Variants in DGKB observed in about 807,000 individuals in gnomAD.
DGKB encodes the protein diacylglycerol kinase beta, also known as 90 kDa diacylglycerol kinase.
In DGKB, 67 loss-of-function variants were observed where a neutral mutation model predicts 114.3. The observed-to-expected ratio is 0.59, with a 90% CI of 0.48 to 0.72. DGKB has a LOEUF of 0.72. Among genes scored for constraint, DGKB ranks in the 30% least tolerant of loss-of-function variants. The pLI is 0.00. For synonymous variants in DGKB, 398 were observed against 323.1 expected, an observed-to-expected ratio of 1.23 and a Z score of -2.49; for missense variants, 907 against 975.2, an observed-to-expected ratio of 0.93 and a Z score of 0.93.
intron 24 of DGKB, 137 bp from the exon 25 acceptor site, chr7:14,177,036 G>T: frequency 1.1e-6 from 1 of 870,904 alleles, no homozygotes; most frequent in Non-Finnish European, 1.7e-6. Context: ...AATGAAAGGA[G>T]CTTCAACTCT....
At chr7:14,774,372 A>G (rs1313199890) in intron 2 of DGKB, among the ~76,000 whole-genome samples, 2 of 152,236 alleles carry the variant, frequency 1.3e-5, no homozygotes, top group African/African-American at 4.8e-5. Context: ...TTCTAACTTG[A>G]TTGGATATTT....
chr7:14,521,943 T>C (rs1451040271), intron 20 of DGKB, among the ~76,000 whole-genome samples: 1 of 152,184 alleles, frequency 6.6e-6, no homozygotes, highest in Non-Finnish European at 1.5e-5. Flanking sequence ...TAATTTTGCC[T>C]GGACTAAATC....
In DGKB at chr7:14,297,743, T is replaced by G. The variant is rs1802829019; in HGVS notation, c.2122+40772A>C. Among the ~76,000 whole-genome samples the G allele has an allele frequency of 2.0e-5, 3 of 152,236 alleles. No individual in the cohort carries two copies. The South Asian group carries it at 6.2e-4, about 32-fold the overall frequency. ...GAGGAAGAAATAAAGGGTATTCAGA[T>G]AGGAAGAGAGGAAATCAAATTGTCT... On this transcript the variant is annotated intron_variant, in intron 23 of 25. Transcript: ENST00000402815.
At chr7:14,435,931 C>T (rs189848389) in intron 21 of DGKB, among the ~76,000 whole-genome samples, 157 of 152,008 alleles carry the variant, frequency 1.0e-3, no homozygotes, top group African/African-American at 3.5e-3. Flanking sequence ...GTCTATGGCA[C>T]GTAGATATTC....
intron 21 of DGKB, among the ~76,000 whole-genome samples, chr7:14,374,181 C>T (rs1818125912): frequency 6.6e-6 from 1 of 152,130 alleles, no homozygotes. Flanking sequence ...TTTACTTGCT[C>T]ATATGTGACT....
intron 20 of DGKB, among the ~76,000 whole-genome samples, chr7:14,532,052 T>C (rs1247877981): frequency 6.6e-6 from 1 of 151,384 alleles, no homozygotes; most frequent in Non-Finnish European, 1.5e-5. Context: ...AAATGGATCA[T>C]GTTCTCAGAA....
chr7:14,525,611 G>T (rs1790514161), intron 20 of DGKB, among the ~76,000 whole-genome samples: 1 of 151,990 alleles, frequency 6.6e-6, no homozygotes. Context: ...TTAAATTAGA[G>T]ACATAACACT....
intron 20 of DGKB, among the ~76,000 whole-genome samples, chr7:14,573,277 A>T (rs1485511649): frequency 6.6e-6 from 1 of 152,138 alleles, no homozygotes; most frequent in Non-Finnish European, 1.5e-5. Flanking sequence ...ACTCTATGAG[A>T]TTCTTTAAAT....
chr7:14,850,512 G>C (rs1444035439), intron 1 of DGKB, among the ~76,000 whole-genome samples: 1 of 152,118 alleles, frequency 6.6e-6, no homozygotes, highest in Non-Finnish European at 1.5e-5. Context: ...TTAATCTTAA[G>C]GATGGATACA....
At chr7:14,304,081 ACACACACT>A (rs1308376850) in intron 23 of DGKB, among the ~76,000 whole-genome samples, 8 of 88,698 alleles carry the variant, frequency 9.0e-5, no homozygotes, top group African/African-American at 4.3e-4. Context: ...ACACACACAC[ACACACACT>A]CTCTCTCTCT....
chr7:14,398,774 C>T lies in DGKB; in HGVS notation c.1836-53383G>A, dbSNP rs908730698. 3.6e-5 allele frequency among the ~76,000 whole-genome samples: 5 copies of T among 138,558 alleles called. No individual in the cohort carries two copies. In the East Asian group the frequency reaches 1.0e-3, roughly 29 times the overall value. The allele number at this position is 138,558 out of a possible 152,430, so 90.9% of individuals were successfully genotyped here. A position where few individuals can be genotyped will look rare whatever the true frequency, so the allele number is the denominator to read the frequency against. ...TATGAAGTAATATGAGCTCAGGATG[C>T]TAACACATGGTCTATGACTAAAAAA... On this transcript the variant is annotated intron_variant, in intron 21 of 25. Coordinates refer to ENST00000402815, the MANE Select transcript of DGKB (RefSeq NM_001350709.2).
intron 2 of DGKB, among the ~76,000 whole-genome samples, chr7:14,827,532 T>G (rs1375946041): frequency 6.6e-6 from 1 of 152,146 alleles, no homozygotes; most frequent in South Asian, 2.1e-4. Context: ...TTGAAAATGC[T>G]GTTTCTACTC....
At chr7:14,837,507 A>C (rs1373751127) in intron 2 of DGKB, among the ~76,000 whole-genome samples, 1 of 152,218 alleles carries the variant, frequency 6.6e-6, no homozygotes, top group East Asian at 1.9e-4. Flanking sequence ...ATATATACCA[A>C]ATATAATCTT....
chr7:14,829,258 C>T (rs144089308), intron 2 of DGKB, among the ~76,000 whole-genome samples: 1 of 152,222 alleles, frequency 6.6e-6, no homozygotes, highest in South Asian at 2.1e-4. Context: ...TTATTCATTA[C>T]CACTTATGGA....
At chr7:14,660,956 G>T (rs1816937705) in intron 13 of DGKB, among the ~76,000 whole-genome samples, 1 of 150,426 alleles carries the variant, frequency 6.6e-6, no homozygotes, top group Non-Finnish European at 1.5e-5. Context: ...AATGGGGAAA[G>T]GATTCCCTAT....
Position 14,861,425 on chromosome 7 carries a change from T to C in DGKB, c.-187-19975A>G, listed in dbSNP as rs185362660. Reference sequence around the variant, plus strand: ...AATAAGCTTTCAAATATAGTAAACATAGCTGATCTTTTTTTCATTATTTAA... The same window carrying C: ...AATAAGCTTTCAAATATAGTAAACACAGCTGATCTTTTTTTCATTATTTAA... On this transcript the variant is annotated intron_variant, in intron 1 of 25. Transcript: ENST00000402815. Among the ~76,000 whole-genome samples, 11 of 152,076 alleles carry C rather than the reference T, an allele frequency of 7.2e-5. No homozygotes were observed. In the East Asian group the frequency reaches 2.1e-3, roughly 29 times the overall value.
chr7:14,843,302 T>C (rs1393451998), intron 1 of DGKB, among the ~76,000 whole-genome samples: 5 of 149,158 alleles, frequency 3.4e-5, no homozygotes, highest in Non-Finnish European at 7.4e-5. Context: ...ATTTGTTAAT[T>C]AAATTTTAAT....
intron 21 of DGKB, among the ~76,000 whole-genome samples, chr7:14,422,164 T>C (rs1402046533): frequency 1.3e-5 from 2 of 152,068 alleles, no homozygotes; most frequent in East Asian, 3.9e-4. Context: ...AAAAATACAA[T>C]TAAATTTAGT....
chr7:14,176,847 G>C lies in DGKB; in HGVS notation c.2296C>G (p.Pro766Ala), dbSNP rs748736176. 2 of 1,613,884 alleles carry C rather than the reference G, an allele frequency of 1.2e-6. No individual in the cohort carries two copies. Among genetic ancestry groups the C allele is most frequent in the African/African-American group, 1.3e-5 (1 of 75,050 alleles). The change falls in exon 25 of 26, where the codon CCA becomes GCA. Residue 766 changes from proline to alanine, a missense_variant. Around this residue, in one of 3 missense-constraint regions of DGKB, gnomAD observed 58 missense variants for 52.5 expected, o/e 1.10. Transcript: ENST00000402815. Reference protein sequence around the residue: ...QIDGEPWMQTPCTIKITHKNQ... With the variant: ...QIDGEPWMQTACTIKITHKNQ... ...AACTACTCTGTACTCACTGTGCATG[G>C]GGTCTGCATCCATGGCTCCCCATCA...
Sources: allele counts gnomAD v4.1 joint callset (sites outside exome capture counted in the v4.1 genomes callset), GRCh38; gene constraint gnomAD v4.1.1; regional missense constraint gnomAD v4.1.1; transcripts MANE v1.5; gene names NCBI Gene and HGNC (gene_info 2026-07-23, HGNC 2026-07-21).